Variants in ENG observed in about 807,000 individuals in gnomAD.
ENG encodes endoglin.
A neutral mutation model predicts 71.0 loss-of-function variants in ENG; 17 were observed. The ratio of observed to expected loss-of-function variants is 0.24; its 90% CI spans 0.16 to 0.36. The LOEUF (loss-of-function observed/expected upper bound fraction) is 0.36. Among genes scored for constraint, ENG ranks in the 10% least tolerant of loss-of-function variants. The pLI is 1.00. For synonymous variants in ENG, 360 were observed against 366.9 expected (o/e 0.98, Z 0.21); for missense variants, 749 against 868.3 (o/e 0.86, Z 1.73).
chr9:127,828,848 C>A (rs1182161495), intron 3 of ENG, among the ~76,000 whole-genome samples: 1 of 152,116 alleles, frequency 6.6e-6, no homozygotes, highest in Non-Finnish European at 1.5e-5. Flanking sequence ...TCTTTCTATG[C>A]CTCTCTCCCC....
rs377548944 is a variant in ENG at position 127,825,704 on chromosome 9, T to C, written c.680A>G (p.His227Arg). Residue 227 changes from histidine to arginine, a missense_variant, in exon 5 of 15, where the codon CAC (histidine) becomes CGC (arginine). Physicochemically the swap from His to Arg is conservative, Grantham distance 29 (BLOSUM62 0). Transcript: ENST00000373203. ...EAHILRVLPGHSAGPRTVTVK... is the reference protein window; with the variant it reads ...EAHILRVLPGRSAGPRTVTVK... ...GGGGCGAGAGCCATACCCGGCCGAGTGGCCCGGCAGGACCCTCAGGATGTG... is the reference window on the plus strand; with the variant it reads ...GGGGCGAGAGCCATACCCGGCCGAGCGGCCCGGCAGGACCCTCAGGATGTG... The C allele has an allele frequency of 1.1e-5, 18 of 1,582,578 alleles. No individual in the cohort carries two copies. Among genetic ancestry groups the C allele is most frequent in the Non-Finnish European group, 3.4e-6 (4 of 1,168,006 alleles).
At position 127,826,563 on chromosome 9, in the gene ENG, G is replaced by A. The variant is rs1388404555; in HGVS notation, c.470C>T (p.Thr157Ile). 6.2e-6 allele frequency: 10 copies of A among 1,614,022 alleles called. No homozygotes were observed. The Admixed American group carries it at 8.3e-5, about 13-fold the overall frequency. The change falls in exon 4 of 15, where the codon ACC becomes ATC. Residue 157 changes from threonine (T) to isoleucine (I), a missense_variant. Coordinates refer to ENST00000373203, the MANE Select transcript of ENG (RefSeq NM_001114753.3). Reference protein sequence around the residue: ...LEWAAERGPITSAAELNDPQS... With the variant: ...LEWAAERGPIISAAELNDPQS... ...GGGGTCATTCAGCTCAGCAGCAGAG[G>A]TGATGGGGCCCCTCTCAGCTGCCCA...
At chr9:127,816,244 G>A in intron 13 of ENG, 191 bp from the exon 14 acceptor site, 2 of 746,722 alleles carry the variant, frequency 2.7e-6, no homozygotes, top group South Asian at 1.7e-5. Context: ...ATGGTTGCTA[G>A]GACTGTCCAC....
At chr9:127,820,769 C>T (rs1054513213) in intron 8 of ENG, among the ~76,000 whole-genome samples, 1 of 151,396 alleles carries the variant, frequency 6.6e-6, no homozygotes, top group African/African-American at 2.4e-5. Flanking sequence ...GCGGAGTTTG[C>T]AGTGAGCCGA....
intron 6 of ENG, 111 bp downstream of exon 6, chr9:127,825,120 A>G: frequency 1.9e-6 from 3 of 1,602,378 alleles, no homozygotes; most frequent in Non-Finnish European, 2.6e-6. Context: ...ACGTATGGGC[A>G]TAGGTGATTT....
chr9:127,828,498 C>T (rs542338532), intron 3 of ENG, among the ~76,000 whole-genome samples: 2 of 152,292 alleles, frequency 1.3e-5, no homozygotes, highest in Admixed American at 6.5e-5. Context: ...CCAGAGCCGG[C>T]GGCTACTGCG....
chr9:127,836,974 G>C lies in ENG; in HGVS notation c.219+6120C>G, dbSNP rs1830916582. ...AGCTAATTTTTGTATTTTTAGTAGA[G>C]ACGGGGTTTCGCCCATGTCGGCCAG... On this transcript the variant is annotated intron_variant, in intron 2 of 14. Coordinates refer to ENST00000373203, the MANE Select transcript of ENG (RefSeq NM_001114753.3). The surrounding 1 kb of genome is among the most constrained non-coding windows in gnomAD (Gnocchi z 4.0). Among the ~76,000 whole-genome samples, 1 of 152,180 alleles carries C rather than the reference G, an allele frequency of 6.6e-6. No individual in the cohort carries two copies. The highest frequency in any genetic ancestry group is 6.5e-5 in the Admixed American group (1 of 15,280).
chr9:127,831,419 G>A (rs1409909207), intron 2 of ENG, among the ~76,000 whole-genome samples: 1 of 140,988 alleles, frequency 7.1e-6, no homozygotes, highest in Non-Finnish European at 1.5e-5. Flanking sequence ...GCGGAGTCTC[G>A]CTCTGTCGCC....
At chr9:127,830,246 A>T (rs1172918095) in intron 2 of ENG, among the ~76,000 whole-genome samples, 1 of 150,628 alleles carries the variant, frequency 6.6e-6, no homozygotes, top group Non-Finnish European at 1.5e-5. Flanking sequence ...GGAGGCTGAG[A>T]CACAAGAATT....
At chr9:127,819,024 G>T (rs548726084) in intron 10 of ENG, among the ~76,000 whole-genome samples, 192 bp from the exon 11 acceptor site, 1 of 150,756 alleles carries the variant, frequency 6.6e-6, no homozygotes, top group Admixed American at 6.6e-5. Context: ...TGCAAGCTCC[G>T]CCTCCCGGGT....
chr9:127,825,461 G>T, intron 5 of ENG, 104 bp from the exon 6 acceptor site: 1 of 1,555,914 alleles, frequency 6.4e-7, no homozygotes, highest in Non-Finnish European at 8.7e-7. Context: ...CTGGCCAGGT[G>T]TGGGTTTATG....
At position 127,832,069 on chromosome 9, in the gene ENG, CTTTTTTTTTTT is replaced by C. The variant is rs1041729379; in HGVS notation, c.220-2253_220-2243del. Among the ~76,000 whole-genome samples the C allele has an allele frequency of 7.6e-3, 632 of 83,624 alleles. 33 individuals are homozygous for C. The East Asian group carries it at 0.14, about 18-fold the overall frequency. The allele number at this position is 83,624 out of a possible 152,430, so 54.9% of individuals were successfully genotyped here. ...GGAATTACAGACATGAGCTACCATTCTTTTTTTTTTTTTTTTTTTTTTTTGAGACAGAGTCT... is the reference window on the plus strand; with the variant it reads ...GGAATTACAGACATGAGCTACCATTCTTTTTTTTTTTTTGAGACAGAGTCT... On this transcript the variant is annotated intron_variant, in intron 2 of 14. Coordinates refer to ENST00000373203, the MANE Select transcript of ENG (RefSeq NM_001114753.3).
Position 127,818,371 on chromosome 9 carries a change from C to T in ENG, c.1435G>A (p.Val479Met). 1 of 1,613,594 alleles carries T rather than the reference C, an allele frequency of 6.2e-7. No individual in the cohort carries two copies. The highest frequency in any genetic ancestry group is 1.1e-5 in the South Asian group (1 of 91,084). ...AGGAACTCGGAGACGGATGGGGACA[C>T]TCTGACCTGCATGGGTAGGTAGGGC... ...PGQQSFVQVR[V>M]SPSVSEFLLQ... Residue 479 changes from valine (V) to methionine (M), a missense_variant, in exon 12 of 15, where the codon GTG (valine) becomes ATG (methionine). Physicochemically the swap from Val to Met is conservative, Grantham distance 21. Coordinates refer to ENST00000373203, the MANE Select transcript of ENG (RefSeq NM_001114753.3).
Position 127,829,829 on chromosome 9 carries a change from TG to T in ENG, c.220-3del, listed in dbSNP as rs768394838. On this transcript the variant is annotated splice_region_variant and splice_polypyrimidine_tract_variant and intron_variant, in intron 2 of 14. Transcript: ENST00000373203. ...AGTCAGCTCCAGCTGTGACGGGCCC[TG>T]GGGGACACAGAGGAGAGACACACAC... 2 of 1,613,874 alleles carry T rather than the reference TG, an allele frequency of 1.2e-6. No homozygotes were observed. The highest frequency in any genetic ancestry group is 3.3e-5 in the Admixed American group (2 of 60,010).
At chr9:127,849,493 G>A (rs1234897720) in intron 1 of ENG, among the ~76,000 whole-genome samples, 1 of 152,192 alleles carries the variant, frequency 6.6e-6, no homozygotes, top group Non-Finnish European at 1.5e-5. Context: ...CTGGGACTCT[G>A]TTTCCCTATG....
intron 8 of ENG, among the ~76,000 whole-genome samples, chr9:127,821,880 TAAA>T (rs34166162): frequency 0.064 from 3,398 of 53,068 alleles, 192 homozygotes; most frequent in African/African-American, 0.22. Context: ...GAGACTGTCT[TAAA>T]AAAAAAAAAA....
rs1283772677 is a variant in ENG, at chr9:127,836,942, C to T, written c.219+6152G>A. On this transcript the variant is annotated intron_variant, in intron 2 of 14. Coordinates refer to ENST00000373203, the MANE Select transcript of ENG (RefSeq NM_001114753.3). The surrounding 1 kb of genome is among the most constrained non-coding windows in gnomAD (Gnocchi z 4.0). ...AGCTGGGACTACAGGCACCCACCAC[C>T]ATGCTCAGCTAATTTTTGTATTTTT... Among the ~76,000 whole-genome samples the T allele has an allele frequency of 6.6e-6, 1 of 152,164 alleles. No individual in the cohort carries two copies. The highest frequency in any genetic ancestry group is 1.5e-5 in the Non-Finnish European group (1 of 68,028).
intron 11 of ENG, 152 bp from the exon 12 acceptor site, chr9:127,818,529 G>A (rs1419713646): frequency 6.9e-7 from 1 of 1,443,250 alleles, no homozygotes. Flanking sequence ...CAGAGGAGGA[G>A]GACAGGGCCA....
At chr9:127,825,199 G>A in intron 6 of ENG, 32 bp downstream of exon 6, 1 of 1,613,176 alleles carries the variant, frequency 6.2e-7, no homozygotes, top group South Asian at 1.1e-5. Flanking sequence ...GGGAGTTTGG[G>A]TTTTGTGTCC....
Sources: gnomAD v4.1 joint callset for allele counts (sites outside exome capture counted in the v4.1 genomes callset) on GRCh38, gnomAD v4.1.1 for gene constraint, Gnocchi (gnomAD v3.1) non-coding constraint, MANE v1.5 for transcripts, NCBI Gene and HGNC (gene_info 2026-07-23, HGNC 2026-07-21) for gene names.